MED15: variants seen among roughly 807,000 people sequenced by gnomAD.
MED15 encodes mediator of RNA polymerase II transcription subunit 15.
Under a neutral mutation model 118.7 loss-of-function variants are expected in MED15, and 41 were observed. That is an observed-to-expected ratio of 0.35 (90% CI 0.27 to 0.45). The LOEUF is 0.45. MED15 is among the 20% of genes least tolerant of loss of function. The pLI is 1.00. For missense variants in MED15, 740 were observed against 1,025.5 expected (o/e 0.72, Z 3.80); for synonymous variants, 436 against 413.9 (o/e 1.05, Z -0.65).
intron 1 of MED15, among the ~76,000 whole-genome samples, chr22:20,516,088 G>A (rs953717726): frequency 1.3e-5 from 2 of 151,868 alleles, no homozygotes; most frequent in African/African-American, 2.4e-5. Context: ...AGGCTGAGGC[G>A]GGCGGATCAC....
At chr22:20,524,667 G>C (rs901899844) in intron 1 of MED15, among the ~76,000 whole-genome samples, 4 of 152,184 alleles carry the variant, frequency 2.6e-5, no homozygotes, top group Middle Eastern at 3.2e-3. Flanking sequence ...TGTCACCCAG[G>C]CTGGAGTGCA....
chr22:20,507,810 G>T, intron 1 of MED15, 64 bp downstream of exon 1: 1 of 1,603,610 alleles, frequency 6.2e-7, no homozygotes, highest in Non-Finnish European at 8.5e-7. Context: ...GGCGGGCGAG[G>T]CCAGGGCCGG....
intron 1 of MED15, among the ~76,000 whole-genome samples, chr22:20,519,499 G>A (rs1461929853): frequency 1.3e-5 from 2 of 150,162 alleles, no homozygotes; most frequent in African/African-American, 4.9e-5. Flanking sequence ...GCAGTGGCCT[G>A]ACCTCGGCTC....
chr22:20,513,537 A>C (rs1311491792), intron 1 of MED15, among the ~76,000 whole-genome samples: 1 of 152,162 alleles, frequency 6.6e-6, no homozygotes, highest in African/African-American at 2.4e-5. Context: ...TCGGCCTCCC[A>C]AAGTGTTGGG....
intron 8 of MED15, among the ~76,000 whole-genome samples, chr22:20,571,325 G>A (rs922417404): frequency 5.3e-5 from 8 of 152,182 alleles, no homozygotes; most frequent in African/African-American, 1.2e-4. Flanking sequence ...GGAGGTCCCC[G>A]CCCGACTGGC....
At chr22:20,575,958 ATGTGTAGAG>A (rs1172793257) in intron 9 of MED15, among the ~76,000 whole-genome samples, 3 of 152,138 alleles carry the variant, frequency 2.0e-5, no homozygotes, top group Non-Finnish European at 4.4e-5. Flanking sequence ...GTAGAGTTTG[ATGTGTAGAG>A]TGTGTAATTT....
intron 5 of MED15, among the ~76,000 whole-genome samples, chr22:20,563,678 G>T (rs1251481031): frequency 6.6e-6 from 1 of 152,166 alleles, no homozygotes; most frequent in African/African-American, 2.4e-5. Context: ...GTGATACCTT[G>T]TAAGTTTGTA....
chr22:20,561,702 C>T (rs5996131), intron 5 of MED15, among the ~76,000 whole-genome samples: 3 of 152,034 alleles, frequency 2.0e-5, no homozygotes, highest in East Asian at 1.9e-4. Context: ...ATAAAACATG[C>T]GGAAGGATTT....
At position 20,515,427 on chromosome 22, in the gene MED15, C is replaced by T. The variant is rs540573776; in HGVS notation, c.68+7681C>T. 4.0e-5 allele frequency among the ~76,000 whole-genome samples: 6 copies of T among 151,664 alleles called. No individual in the cohort carries two copies. The South Asian group carries it at 1.2e-3, about 32-fold the overall frequency. On this transcript the variant is annotated intron_variant, in intron 1 of 17. Transcript: ENST00000263205. ...GGAAGAAGAATTGTTTTGGGCCACA[C>T]ATAAGATACACTAACACTAATGATA...
intron 1 of MED15, chr22:20,508,259 G>T: frequency 7.7e-7 from 1 of 1,294,776 alleles, no homozygotes. Context: ...AAGGAATGTG[G>T]ACTTTGCCGA....
Position 20,584,378 on chromosome 22 carries a change from C to A in MED15, c.1756C>A (p.Gln586Lys). ...CTGCAGGTGTCCCCTGAAGACCTTG[C>A]AAAAGTGTGAGATCGCCCTGGAGAA... Reference protein sequence around the residue: ...PSKRCPLKTLQKCEIALEKLK... With the variant: ...PSKRCPLKTLKKCEIALEKLK... Residue 586 changes from glutamine to lysine, a missense_variant, in exon 14 of 18, where the codon CAA (glutamine) becomes AAA (lysine). By Grantham distance (53) the Gln-to-Lys change is moderately conservative. This residue lies in a region of MED15 where 384 missense variants were observed against 506.3 expected (regional missense o/e 0.76). Coordinates refer to ENST00000263205, the MANE Select transcript of MED15 (RefSeq NM_001003891.3). 6.2e-7 allele frequency: 1 copy of A among 1,613,794 alleles called. No homozygotes were observed. Among genetic ancestry groups the A allele is most frequent in the Non-Finnish European group, 8.5e-7 (1 of 1,179,830 alleles).
At chr22:20,548,013 A>T (rs924858449) in intron 2 of MED15, among the ~76,000 whole-genome samples, 3 of 151,904 alleles carry the variant, frequency 2.0e-5, no homozygotes, top group African/African-American at 4.8e-5. Context: ...AAATATATAT[A>T]TTTTTTAGAG....
In MED15 at chr22:20,555,095, C is replaced by T. The variant is rs1301929874; in HGVS notation, c.398C>T (p.Thr133Ile). The change falls in exon 5 of 18, where the codon ACC (threonine) becomes ATC (isoleucine). Residue 133 changes from threonine to isoleucine, a missense_variant. By Grantham distance (89) the Thr-to-Ile change is moderately conservative (BLOSUM62 -1). Around this residue, in one of 7 missense-constraint regions of MED15, gnomAD observed 117 missense variants for 124.6 expected, o/e 0.94. Coordinates refer to ENST00000263205, the MANE Select transcript of MED15 (RefSeq NM_001003891.3). ...CTCTCAGGGCAGCCGCCTCCTGGGA[C>T]CTCGGGGATGGCCCCTCACAGCATG... ...MSLSGQPPPG[T>I]SGMAPHSMAV... The T allele has an allele frequency of 6.2e-7, 1 of 1,611,702 alleles. No homozygotes were observed. Among genetic ancestry groups the T allele is most frequent in the Non-Finnish European group, 8.5e-7 (1 of 1,179,494 alleles).
chr22:20,583,392 C>T lies in MED15; in HGVS notation c.1735C>T (p.Arg579Trp), dbSNP rs1239509128. Reference sequence around the variant, plus strand: ...GGACATTCTGACAGACCCCTCGAAGCGGTGAGCTTTGCCCACAGCCCACGG... The same window carrying T: ...GGACATTCTGACAGACCCCTCGAAGTGGTGAGCTTTGCCCACAGCCCACGG... Reference protein sequence around the residue: ...LLDILTDPSKRCPLKTLQKCE... With the variant: ...LLDILTDPSKWCPLKTLQKCE... Residue 579 changes from arginine (R) to tryptophan (W), a missense_variant and splice_region_variant, in exon 13 of 18, where the codon CGG becomes TGG. Arg to Trp is a moderately radical substitution (Grantham distance 101). Coordinates refer to ENST00000263205, the MANE Select transcript of MED15 (RefSeq NM_001003891.3). 6.2e-7 allele frequency: 1 copy of T among 1,611,600 alleles called. No homozygotes were observed. Among genetic ancestry groups the T allele is most frequent in the Non-Finnish European group, 8.5e-7 (1 of 1,180,022 alleles).
At chr22:20,536,973 C>G (rs2055104040) in intron 1 of MED15, 144 bp from the exon 2 acceptor site, 1 of 634,138 alleles carries the variant, frequency 1.6e-6, no homozygotes, top group African/African-American at 1.8e-5. Context: ...TCCCATATGC[C>G]TCTCCTGGAC....
intron 5 of MED15, among the ~76,000 whole-genome samples, chr22:20,558,940 T>C (rs1203443665): frequency 1.3e-5 from 2 of 152,120 alleles, no homozygotes; most frequent in African/African-American, 4.8e-5. Flanking sequence ...CATGTAGGCA[T>C]GCCCAGTGAC....
chr22:20,525,585 G>A (rs1412948007), intron 1 of MED15, among the ~76,000 whole-genome samples: 13 of 141,824 alleles, frequency 9.2e-5, no homozygotes, highest in Admixed American at 6.0e-4. Flanking sequence ...TGCCCAGGCT[G>A]GAGTACAGTG....
intron 1 of MED15, among the ~76,000 whole-genome samples, chr22:20,509,568 C>G (rs974040643): frequency 6.8e-6 from 1 of 146,040 alleles, no homozygotes; most frequent in Non-Finnish European, 1.5e-5. Context: ...TTCTTGATGA[C>G]TAACTGGATG....
rs1470718657 is a variant in MED15, at chr22:20,529,794, G to GTA, written c.69-7322_69-7321insAT. 1.9e-3 allele frequency among the ~76,000 whole-genome samples: 282 copies of GTA among 152,250 alleles called. 1 individual carries two copies. Among genetic ancestry groups the GTA allele is most frequent in the African/African-American group, 6.5e-3 (272 of 41,554 alleles). Reference sequence around the variant, plus strand: ...TTTAGTAGGGATGGGGTTTCACCATGTTGGCCAGTCTGGTCTCGAACTCCG... The same window carrying GTA: ...TTTAGTAGGGATGGGGTTTCACCATGTATTGGCCAGTCTGGTCTCGAACTCCG... On this transcript the variant is annotated intron_variant, in intron 1 of 17. Coordinates refer to ENST00000263205, the MANE Select transcript of MED15 (RefSeq NM_001003891.3).
Sources: gnomAD v4.1 joint callset for allele counts (sites outside exome capture counted in the v4.1 genomes callset) on GRCh38, gnomAD v4.1.1 for gene constraint, gnomAD v4.1.1 regional missense constraint, MANE v1.5 for transcripts, NCBI Gene and HGNC (gene_info 2026-07-23, HGNC 2026-07-21) for gene names.